The following HACD2 variants were observed in gnomAD, a reference collection of about 807,000 sequenced individuals.
HACD2 encodes very-long-chain (3R)-3-hydroxyacyl-CoA dehydratase 2.
In HACD2, 15 loss-of-function variants were observed where a neutral mutation model predicts 31.0. The observed-to-expected ratio is 0.48, with a 90% CI of 0.32 to 0.75. The LOEUF (loss-of-function observed/expected upper bound fraction) is 0.75, where lower values mean the gene tolerates loss of function less well. HACD2 is among the 30% of genes least tolerant of loss of function. The pLI is 0.03. For missense variants in HACD2, 283 were observed against 313.0 expected, an observed-to-expected ratio of 0.90 and a Z score of 0.72; for synonymous variants, 115 against 122.2, an observed-to-expected ratio of 0.94 and a Z score of 0.39.
chr3:123,536,909 G>A (rs764407395), intron 3 of HACD2, among the ~76,000 whole-genome samples: 1 of 152,154 alleles, frequency 6.6e-6, no homozygotes, highest in African/African-American at 2.4e-5. Flanking sequence ...AGAACTTCAC[G>A]TATAATGCTT....
At chr3:123,497,825 C>T (rs552639867) in intron 6 of HACD2, among the ~76,000 whole-genome samples, 2 of 152,276 alleles carry the variant, frequency 1.3e-5, no homozygotes, top group East Asian at 1.9e-4. Context: ...TGTGCAACAA[C>T]GCAACAACAG....
intron 3 of HACD2, among the ~76,000 whole-genome samples, chr3:123,554,900 AAC>A (rs1328494041): frequency 2.0e-5 from 3 of 152,256 alleles, no homozygotes; most frequent in Admixed American, 2.0e-4. Context: ...ATGAAGAAAT[AAC>A]AGTTATAAAT....
intron 4 of HACD2, among the ~76,000 whole-genome samples, chr3:123,525,355 T>A (rs924974061): frequency 2.0e-5 from 3 of 152,198 alleles, no homozygotes; most frequent in Non-Finnish European, 1.5e-5. Context: ...ATCCTGCTGA[T>A]CAAGGTGTCA....
intron 4 of HACD2, among the ~76,000 whole-genome samples, chr3:123,510,103 T>C (rs558524620): frequency 1.3e-5 from 2 of 152,250 alleles, no homozygotes; most frequent in South Asian, 4.1e-4. Context: ...TCCAGAAGGA[T>C]TTCATCATTC....
intron 4 of HACD2, 123 bp from the exon 5 acceptor site, chr3:123,502,804 C>G (rs2055920968): frequency 1.0e-6 from 1 of 965,542 alleles, no homozygotes. Flanking sequence ...TTCAGGACCC[C>G]TGTATGGCAG....
Position 123,502,585 on chromosome 3 carries a change from G to A in HACD2, c.478C>T (p.Leu160=). The change falls in exon 5 of 7, where the codon CTG becomes TTG. Residue 160 remains leucine (L), a synonymous_variant. Transcript: ENST00000383657. ...CTGGCCCATTTGATGAGGTAAGGCA[G>A]ATGGTTTAATAGACTGAATGTATAA... is the stretch of plus-strand genomic sequence containing the variant. ...SFYTFSLLNH[L]PYLIKWARYT... The A allele has an allele frequency of 6.2e-7, 1 of 1,611,860 alleles. No homozygotes were observed. Among genetic ancestry groups the A allele is most frequent in the Non-Finnish European group, 8.5e-7 (1 of 1,179,012 alleles).
intron 3 of HACD2, among the ~76,000 whole-genome samples, chr3:123,558,634 T>C (rs1286688479): frequency 6.6e-6 from 1 of 151,916 alleles, no homozygotes; most frequent in Non-Finnish European, 1.5e-5. Context: ...AGAAAAAAAA[T>C]CCTCTCCCAA....
At chr3:123,516,978 T>C (rs2056146029) in intron 4 of HACD2, among the ~76,000 whole-genome samples, 1 of 152,212 alleles carries the variant, frequency 6.6e-6, no homozygotes, top group African/African-American at 2.4e-5. Flanking sequence ...AAGTTACTTA[T>C]CCTCTCTGAT....
intron 3 of HACD2, among the ~76,000 whole-genome samples, chr3:123,536,821 G>A (rs2056432092): frequency 6.6e-6 from 1 of 152,178 alleles, no homozygotes; most frequent in South Asian, 2.1e-4. Flanking sequence ...AAGAGAGTAT[G>A]TTCGAGGATA....
At chr3:123,505,030 A>G (rs1304870264) in intron 4 of HACD2, among the ~76,000 whole-genome samples, 1 of 152,250 alleles carries the variant, frequency 6.6e-6, no homozygotes, top group East Asian at 1.9e-4. Flanking sequence ...GATGTGGTCT[A>G]TACATACAGC....
At chr3:123,497,639 T>C (rs1419396080) in intron 6 of HACD2, among the ~76,000 whole-genome samples, 1 of 152,194 alleles carries the variant, frequency 6.6e-6, no homozygotes, top group Admixed American at 6.5e-5. Context: ...TTTTCACCAA[T>C]TTGGGGGTGG....
intron 4 of HACD2, among the ~76,000 whole-genome samples, chr3:123,515,220 C>A (rs138371877): frequency 6.6e-6 from 1 of 152,214 alleles, no homozygotes; most frequent in Admixed American, 6.5e-5. Flanking sequence ...GATGACCCAG[C>A]GGTCACAGCA....
chr3:123,522,283 C>T (rs987167266), intron 4 of HACD2, among the ~76,000 whole-genome samples: 1 of 148,266 alleles, frequency 6.7e-6, no homozygotes, highest in Non-Finnish European at 1.5e-5. Context: ...TGTCACTGCA[C>T]TCCAGCCTGG....
chr3:123,519,450 C>T (rs949800621), intron 4 of HACD2, among the ~76,000 whole-genome samples: 1 of 152,160 alleles, frequency 6.6e-6, no homozygotes, highest in African/African-American at 2.4e-5. Flanking sequence ...GGTTACTAAA[C>T]TCTCTTCCCT....
At chr3:123,540,236 G>A (rs558853538) in intron 3 of HACD2, among the ~76,000 whole-genome samples, 49 of 152,026 alleles carry the variant, frequency 3.2e-4, no homozygotes, top group African/African-American at 7.7e-4. Context: ...CATTTCAGAC[G>A]GCCAGCTGTC....
At chr3:123,567,844 C>A in intron 2 of HACD2, 64 bp from the exon 3 acceptor site, 2 of 1,063,540 alleles carry the variant, frequency 1.9e-6, no homozygotes, top group Non-Finnish European at 1.3e-6. Context: ...AGTTTTATTT[C>A]ATATAAACTA....
intron 1 of HACD2, 106 bp downstream of exon 1, chr3:123,584,767 T>A: frequency 3.3e-6 from 3 of 907,960 alleles, no homozygotes; most frequent in Non-Finnish European, 3.0e-6. Flanking sequence ...CCGCCGGGAA[T>A]GCACTGCCTG....
chr3:123,564,810 G>A (rs1367310963), intron 3 of HACD2, among the ~76,000 whole-genome samples: 3 of 152,160 alleles, frequency 2.0e-5, no homozygotes, highest in African/African-American at 7.2e-5. Context: ...GATAGCACAG[G>A]GTGATGAGGC....
Position 123,494,563 on chromosome 3 carries a change from G to T in HACD2, c.*325C>A. ...AGACTGTAACTCTCAAGTACTTAGTGTTACAGGTCTTCATTGATCAGATAC... is the reference window on the plus strand; with the variant it reads ...AGACTGTAACTCTCAAGTACTTAGTTTTACAGGTCTTCATTGATCAGATAC... On this transcript the variant is annotated 3_prime_UTR_variant, in exon 7 of 7. Transcript: ENST00000383657. 2.8e-6 allele frequency: 1 copy of T among 353,424 alleles called. No homozygotes were observed. The highest frequency in any genetic ancestry group is 5.2e-6 in the Non-Finnish European group (1 of 193,600). 21.9% of individuals were successfully genotyped at this position (353,424 alleles called of 1,614,324 possible). A position where few individuals can be genotyped will look rare whatever the true frequency, so the allele number is the denominator to read the frequency against.
Sources: gnomAD v4.1 joint callset for allele counts (sites outside exome capture counted in the v4.1 genomes callset) on GRCh38, gnomAD v4.1.1 for gene constraint, MANE v1.5 for transcripts, NCBI Gene and HGNC (gene_info 2026-07-23, HGNC 2026-07-21) for gene names.